SHISA9: variants seen among roughly 807,000 people sequenced by gnomAD.
The protein encoded by SHISA9 is shisa family member 9.
SHISA9 carries 13 observed loss-of-function variants against 38.0 expected under a neutral mutation model. The observed-to-expected ratio is 0.34, with a 90% CI of 0.22 to 0.54. SHISA9 has a LOEUF of 0.54. Among genes scored for constraint, SHISA9 ranks in the 20% least tolerant of loss-of-function variants. The probability of loss-of-function intolerance (pLI) is 0.91; values close to 1 mark genes in which losing one functional copy is unlikely to be tolerated. For missense variants in SHISA9, 538 were observed against 575.8 expected (o/e 0.93, Z 0.67); for synonymous variants, 275 against 242.0 (o/e 1.14, Z -1.27).
At chr16:13,369,453 T>C in the SHISA9 span, among the ~76,000 whole-genome samples, 3 of 152,302 alleles carry the variant, frequency 2.0e-5, no homozygotes, top group South Asian at 2.1e-4. Context: ...ATGTGCTAAA[T>C]TGGTGGATTG....
intron 2 of SHISA9, among the ~76,000 whole-genome samples, chr16:13,037,813 A>G (rs889661019): frequency 6.6e-6 from 1 of 152,142 alleles, no homozygotes; most frequent in South Asian, 2.1e-4. Context: ...CATTCCCCCA[A>G]ACTGAACTTC....
At chr16:12,921,738 C>A (rs1177166052) in intron 2 of SHISA9, among the ~76,000 whole-genome samples, 1 of 151,986 alleles carries the variant, frequency 6.6e-6, no homozygotes, top group Non-Finnish European at 1.5e-5. Flanking sequence ...TGCACTCTAG[C>A]CTAGGTGACA....
At chr16:13,547,310 G>T in the SHISA9 span, among the ~76,000 whole-genome samples, 67 of 152,232 alleles carry the variant, frequency 4.4e-4, no homozygotes, top group African/African-American at 1.5e-3. Flanking sequence ...TAGTGAGAAA[G>T]GCTATATATT....
At chr16:12,934,163 A>G (rs1423043808) in intron 2 of SHISA9, among the ~76,000 whole-genome samples, 3 of 152,240 alleles carry the variant, frequency 2.0e-5, no homozygotes, top group Non-Finnish European at 2.9e-5. Flanking sequence ...ATGAGATTAT[A>G]TAAATAAATG....
chr16:13,185,671 C>A lies in SHISA9; in HGVS notation c.692-17723C>A, dbSNP rs77375387. 7.4e-3 allele frequency among the ~76,000 whole-genome samples: 1,126 copies of A among 152,310 alleles called. 13 individuals carry two copies. Among genetic ancestry groups the A allele is most frequent in the African/African-American group, 0.026 (1,065 of 41,566 alleles). ...TTGTTTACCTGTTTCCCTCACTGGA[C>A]TCTGAGCTTCTCAAAGGCAGGAGTG... On this transcript the variant is annotated intron_variant, in intron 2 of 4. Transcript: ENST00000558583.
the SHISA9 span, among the ~76,000 whole-genome samples, chr16:13,316,295 GATTT>G: frequency 2.0e-5 from 3 of 152,156 alleles, no homozygotes; most frequent in Non-Finnish European, 4.4e-5. Flanking sequence ...TGTCCAGAGT[GATTT>G]ATTGCAACTG....
chr16:13,518,950 C>T, the SHISA9 span, among the ~76,000 whole-genome samples: 1 of 152,150 alleles, frequency 6.6e-6, no homozygotes, highest in Non-Finnish European at 1.5e-5. Context: ...CCCACTTCCA[C>T]AATAATCCCT....
intron 2 of SHISA9, among the ~76,000 whole-genome samples, chr16:13,118,730 C>CTTTTTTTTTTT (rs34471353): frequency 1.5e-5 from 2 of 130,778 alleles, no homozygotes; most frequent in Admixed American, 8.0e-5. Context: ...TTTCTTTTTT[C>CTTTTTTTTTTT]TTTTTTTTTT....
the SHISA9 span, among the ~76,000 whole-genome samples, chr16:13,407,519 CACAAGTGTTCAGTTTAT>C: frequency 6.6e-6 from 1 of 152,154 alleles, no homozygotes; most frequent in Non-Finnish European, 1.5e-5. Flanking sequence ...TTGAGGGGGA[CACAAGTGTTCAGTTTAT>C]AGCAATGATG....
Position 13,037,441 on chromosome 16 carries a change from T to G in SHISA9, c.691+120626T>G, listed in dbSNP as rs575122981. Among the ~76,000 whole-genome samples, 177 of 151,948 alleles carry G rather than the reference T, an allele frequency of 1.2e-3. 1 individual carries two copies. Among genetic ancestry groups the G allele is most frequent in the Non-Finnish European group, 2.2e-3 (152 of 68,006 alleles). On this transcript the variant is annotated intron_variant, in intron 2 of 4. Coordinates refer to ENST00000558583, the MANE Select transcript of SHISA9 (RefSeq NM_001145204.3). ...TCAGCAGCGATGGTTTTGCACAGCA[T>G]CTAACCAAGGTTGGGGGAGGGGAGC...
chr16:13,195,992 G>A (rs1279473577), intron 2 of SHISA9, among the ~76,000 whole-genome samples: 1 of 149,388 alleles, frequency 6.7e-6, no homozygotes, highest in Non-Finnish European at 1.5e-5. Context: ...GGAGGCTGAG[G>A]CAGGAGAATC....
the SHISA9 span, among the ~76,000 whole-genome samples, chr16:13,447,502 A>G: frequency 1.3e-5 from 2 of 152,202 alleles, no homozygotes; most frequent in Non-Finnish European, 2.9e-5. Context: ...GCAGACAGGG[A>G]CAGACAGAGC....
At chr16:13,060,736 G>C (rs988919188) in intron 2 of SHISA9, among the ~76,000 whole-genome samples, 4 of 151,628 alleles carry the variant, frequency 2.6e-5, no homozygotes, top group African/African-American at 4.9e-5. Flanking sequence ...GAAGAGCCAC[G>C]AGCCTCTGGT....
chr16:13,510,261 T>G, the SHISA9 span, among the ~76,000 whole-genome samples: 1 of 152,158 alleles, frequency 6.6e-6, no homozygotes, highest in African/African-American at 2.4e-5. Flanking sequence ...TGAGCCGAGA[T>G]TGTGCCACTA....
chr16:13,394,931 GT>G, the SHISA9 span, among the ~76,000 whole-genome samples: 2,273 of 102,488 alleles, frequency 0.022, 34 homozygotes, highest in African/African-American at 0.063. Context: ...TATCTGGGGT[GT>G]GTGTGTGTGT....
the SHISA9 span, among the ~76,000 whole-genome samples, chr16:13,538,230 A>G: frequency 6.6e-6 from 1 of 152,144 alleles, no homozygotes; most frequent in Non-Finnish European, 1.5e-5. Flanking sequence ...CATGGCCTCA[A>G]AGCAATAGCT....
the SHISA9 span, among the ~76,000 whole-genome samples, chr16:13,497,962 A>T: frequency 6.6e-6 from 1 of 152,160 alleles, no homozygotes; most frequent in African/African-American, 2.4e-5. Flanking sequence ...AAGATTTAGC[A>T]TCTGAAGAGG....
At chr16:13,404,962 T>C in the SHISA9 span, among the ~76,000 whole-genome samples, 1 of 152,316 alleles carries the variant, frequency 6.6e-6, no homozygotes, top group East Asian at 1.9e-4. Flanking sequence ...CTGGGACTTC[T>C]GAATCCATTC....
chr16:13,030,800 A>G (rs72784423), intron 2 of SHISA9, among the ~76,000 whole-genome samples: 1,722 of 152,312 alleles, frequency 0.011, 13 homozygotes, highest in Middle Eastern at 0.02. Context: ...GGGCAGTCAA[A>G]TTCTACAAAA....
Sources: gnomAD v4.1 joint callset for allele counts (sites outside exome capture counted in the v4.1 genomes callset) on GRCh38, gnomAD v4.1.1 for gene constraint, MANE v1.5 for transcripts, NCBI Gene and HGNC (gene_info 2026-07-23, HGNC 2026-07-21) for gene names.